The following MAP3K5 variants were observed in gnomAD, a reference collection of about 807,000 sequenced individuals.
The protein encoded by MAP3K5 is mitogen-activated protein kinase kinase kinase 5.
A neutral mutation model predicts 158.7 loss-of-function variants in MAP3K5; 56 were observed. The ratio of observed to expected loss-of-function variants is 0.35; its 90% CI spans 0.28 to 0.44. The LOEUF (loss-of-function observed/expected upper bound fraction) is 0.44. Among genes scored for constraint, MAP3K5 ranks in the 20% least tolerant of loss-of-function variants. MAP3K5 has a pLI of 1.00. For synonymous variants in MAP3K5, 579 were observed against 601.7 expected (o/e 0.96, Z 0.55); for missense variants, 1,294 against 1,674.8 (o/e 0.77, Z 3.97).
At chr6:136,635,432 T>G (rs905082136) in intron 14 of MAP3K5, among the ~76,000 whole-genome samples, 1 of 152,174 alleles carries the variant, frequency 6.6e-6, no homozygotes, top group African/African-American at 2.4e-5. Context: ...TAGTATCTAT[T>G]ACTTCTATAG....
intron 23 of MAP3K5, among the ~76,000 whole-genome samples, chr6:136,586,271 T>C (rs554526087): frequency 3.0e-4 from 46 of 152,320 alleles, no homozygotes; most frequent in African/African-American, 1.0e-3. Context: ...TATGCAGAAA[T>C]TGGAAGCTTC....
At chr6:136,740,338 A>G (rs1246136844) in intron 1 of MAP3K5, among the ~76,000 whole-genome samples, 2 of 151,956 alleles carry the variant, frequency 1.3e-5, no homozygotes, top group East Asian at 3.9e-4. Context: ...CTTTTTTGGA[A>G]TCTACATCTT....
chr6:136,614,733 T>C (rs889060314), intron 15 of MAP3K5, among the ~76,000 whole-genome samples: 2 of 152,214 alleles, frequency 1.3e-5, no homozygotes, highest in African/African-American at 4.8e-5. Flanking sequence ...TTATTGACTA[T>C]AAAACTTTAC....
At chr6:136,586,000 TA>T (rs1038472960) in intron 23 of MAP3K5, among the ~76,000 whole-genome samples, 1 of 152,188 alleles carries the variant, frequency 6.6e-6, no homozygotes, top group Non-Finnish European at 1.5e-5. Flanking sequence ...TCTATTAAAA[TA>T]AAAAAGAAAT....
Position 136,655,436 on chromosome 6 carries a change from T to A in MAP3K5, c.1680+871A>T, listed in dbSNP as rs540126268. Reference sequence around the variant, plus strand: ...GAAGCAAGAGTAAAGCATGCTCATGTCAGCAATGGATTTAATTAAGTGAAG... The same window carrying A: ...GAAGCAAGAGTAAAGCATGCTCATGACAGCAATGGATTTAATTAAGTGAAG... On this transcript the variant is annotated intron_variant, in intron 10 of 29. Coordinates refer to ENST00000359015, the MANE Select transcript of MAP3K5 (RefSeq NM_005923.4). Among the ~76,000 whole-genome samples the A allele has an allele frequency of 3.3e-5, 5 of 152,364 alleles. No homozygotes were observed. The South Asian group carries it at 6.2e-4, about 19-fold the overall frequency.
At chr6:136,786,137 G>C (rs1308570317) in intron 1 of MAP3K5, among the ~76,000 whole-genome samples, 1 of 152,122 alleles carries the variant, frequency 6.6e-6, no homozygotes, top group Non-Finnish European at 1.5e-5. Flanking sequence ...ACTTTGGGAG[G>C]CCAAGGCAGG....
chr6:136,637,094 C>T, intron 14 of MAP3K5: 1 of 1,382,472 alleles, frequency 7.2e-7, no homozygotes, highest in South Asian at 1.7e-5. Context: ...CATAGTTACT[C>T]GCTATCAGGT....
chr6:136,623,031 C>A (rs763827669), intron 14 of MAP3K5, 50 bp from the exon 15 acceptor site: 45 of 1,574,218 alleles, frequency 2.9e-5, no homozygotes, highest in Non-Finnish European at 3.8e-5. Flanking sequence ...GTTCATTCTA[C>A]ATTTCAAACA....
chr6:136,597,903 C>G (rs1293145939), intron 21 of MAP3K5, among the ~76,000 whole-genome samples: 2 of 152,228 alleles, frequency 1.3e-5, no homozygotes, highest in Admixed American at 1.3e-4. Context: ...TTCAGTGCCT[C>G]AGCCATGGTA....
chr6:136,756,212 A>G (rs9385773), intron 1 of MAP3K5, among the ~76,000 whole-genome samples: 55,577 of 151,284 alleles, frequency 0.37, 12,095 homozygotes, highest in Middle Eastern at 0.49. Context: ...TAGCTACTGG[A>G]GAGACTGAGG....
chr6:136,731,005 C>T (rs73777727), intron 1 of MAP3K5, among the ~76,000 whole-genome samples: 1,792 of 152,288 alleles, frequency 0.012, 43 homozygotes, highest in African/African-American at 0.042. Flanking sequence ...TACAACCACA[C>T]GTGACAACAT....
chr6:136,659,270 A>C lies in MAP3K5; in HGVS notation c.1475T>G (p.Met492Arg), dbSNP rs763877652. 3.1e-5 allele frequency: 50 copies of C among 1,614,130 alleles called. No homozygotes were observed. In the South Asian group the frequency reaches 5.4e-4, roughly 17 times the overall value. The change falls in exon 9 of 30, where the codon ATG becomes AGG. Residue 492 changes from methionine (M) to arginine (R), a missense_variant. By Grantham distance (91) the Met-to-Arg change is moderately conservative. This residue lies in a region of MAP3K5 where 690 missense variants were observed against 870.5 expected (regional missense o/e 0.79). Transcript: ENST00000359015. ...LGASVLANDH[M>R]RVIQASEKLF... is the part of the protein sequence containing the mutation. ...CTTTTCAGATGCTTGAATGACTCTC[A>C]TGTGGTCATTGGCTAGGACGCTGGC...
chr6:136,767,714 G>A (rs1784022879), intron 1 of MAP3K5, among the ~76,000 whole-genome samples: 1 of 152,150 alleles, frequency 6.6e-6, no homozygotes, highest in Non-Finnish European at 1.5e-5. Context: ...GGAAATACAA[G>A]GTAACCAAAA....
At chr6:136,636,276 C>G (rs551382431) in intron 14 of MAP3K5, among the ~76,000 whole-genome samples, 106 of 152,206 alleles carry the variant, frequency 7.0e-4, no homozygotes, top group African/African-American at 2.5e-3. Flanking sequence ...GACACAGCAA[C>G]AGGGCACCTT....
At position 136,600,899 on chromosome 6, in the gene MAP3K5, C is replaced by T. The variant is rs1205362386; in HGVS notation, c.2878+123G>A. ...CACACATCCTTATAGTATCTAGTAC[C>T]GCACCCTCCTTTCCCCCCATGTAAG... is the stretch of plus-strand genomic sequence containing the variant. On this transcript the variant is annotated intron_variant, in intron 21 of 29. Coordinates refer to ENST00000359015, the MANE Select transcript of MAP3K5 (RefSeq NM_005923.4). The T allele has an allele frequency of 1.8e-5, 17 of 948,954 alleles. 1 individual carries two copies. Among genetic ancestry groups the T allele is most frequent in the South Asian group, 1.3e-4 (9 of 71,514 alleles). 58.8% of individuals were successfully genotyped at this position (948,954 alleles called of 1,614,324 possible). A position where few individuals can be genotyped will look rare whatever the true frequency, so the allele number is the denominator to read the frequency against.
chr6:136,672,384 C>G (rs1185624503), intron 7 of MAP3K5, among the ~76,000 whole-genome samples: 1 of 152,198 alleles, frequency 6.6e-6, no homozygotes, highest in Non-Finnish European at 1.5e-5. Context: ...GGGGCATTTG[C>G]TGATTCTGAC....
At position 136,650,998 on chromosome 6, in the gene MAP3K5, G is replaced by C. The variant is rs1400670112; in HGVS notation, c.1774C>G (p.Leu592Val). Reference protein sequence around the residue: ...EEKTISIWHVLPDDKKGIHEW... With the variant: ...EEKTISIWHVVPDDKKGIHEW... Reference sequence around the variant, plus strand: ...GCACAATTTACCTTGTCATCAGGAAGCACGTGCCAAATAGAGATTGTCTTT... The same window carrying C: ...GCACAATTTACCTTGTCATCAGGAACCACGTGCCAAATAGAGATTGTCTTT... Residue 592 changes from leucine (L) to valine (V), a missense_variant, in exon 11 of 30, where the codon CTT (leucine) becomes GTT (valine). Physicochemically the swap from Leu to Val is conservative, Grantham distance 32. Around this residue, in one of 5 missense-constraint regions of MAP3K5, gnomAD observed 690 missense variants for 870.5 expected, o/e 0.79. Coordinates refer to ENST00000359015, the MANE Select transcript of MAP3K5 (RefSeq NM_005923.4). 1 of 1,608,290 alleles carries C rather than the reference G, an allele frequency of 6.2e-7. No individual in the cohort carries two copies. The highest frequency in any genetic ancestry group is 1.3e-5 in the African/African-American group (1 of 74,810).
intron 25 of MAP3K5, among the ~76,000 whole-genome samples, chr6:136,576,277 C>T (rs1414157728): frequency 2.0e-5 from 3 of 151,908 alleles, no homozygotes; most frequent in South Asian, 2.1e-4. Context: ...CTTTTTGACA[C>T]TTTCTTATTT....
At chr6:136,637,209 G>A in intron 14 of MAP3K5, 116 bp downstream of exon 14, 1 of 1,230,870 alleles carries the variant, frequency 8.1e-7, no homozygotes. Context: ...TAACACTAAA[G>A]GAAAGCCTAC....
Sources: gnomAD v4.1 joint callset for allele counts (sites outside exome capture counted in the v4.1 genomes callset) on GRCh38, gnomAD v4.1.1 for gene constraint, gnomAD v4.1.1 regional missense constraint, MANE v1.5 for transcripts, NCBI Gene and HGNC (gene_info 2026-07-23, HGNC 2026-07-21) for gene names.